GALNT13: variants seen among roughly 807,000 people sequenced by gnomAD.
GALNT13 encodes the protein UDP-GalNAc:polypeptide N-acetylgalactosaminyltransferase 13.
GALNT13 carries 28 observed loss-of-function variants against 64.2 expected under a neutral mutation model. The observed-to-expected ratio is 0.44, with a 90% CI of 0.32 to 0.60. GALNT13 has a LOEUF of 0.60. Ranked by LOEUF, GALNT13 falls within the 20% of genes least tolerant of loss-of-function variation. The pLI is 0.05. For missense variants in GALNT13, 577 were observed against 669.8 expected (o/e 0.86, Z 1.53); for synonymous variants, 214 against 224.6 (o/e 0.95, Z 0.42).
At chr2:154,184,351 T>C (rs1429647000) in intron 4 of GALNT13, among the ~76,000 whole-genome samples, 2 of 152,200 alleles carry the variant, frequency 1.3e-5, no homozygotes, top group Admixed American at 1.3e-4. Context: ...TCAGTGACTC[T>C]CTGTGTTTTG....
chr2:153,226,511 C>T, the GALNT13 span, among the ~76,000 whole-genome samples: 1 of 152,146 alleles, frequency 6.6e-6, no homozygotes, highest in Non-Finnish European at 1.5e-5. Context: ...AGTATGCCTT[C>T]TTGATATAAT....
intron 3 of GALNT13, among the ~76,000 whole-genome samples, chr2:154,105,639 A>T (rs1160371409): frequency 6.6e-6 from 1 of 152,162 alleles, no homozygotes; most frequent in Non-Finnish European, 1.5e-5. Flanking sequence ...TTGTTAAGTG[A>T]TGCATGACTG....
chr2:153,392,297 G>A, the GALNT13 span, among the ~76,000 whole-genome samples: 6 of 149,760 alleles, frequency 4.0e-5, no homozygotes, highest in Non-Finnish European at 5.9e-5. Flanking sequence ...TAAATTTACC[G>A]TCTTCAAACA....
chr2:153,875,496 C>T (rs1330975312), intron 1 of GALNT13, among the ~76,000 whole-genome samples: 3 of 152,120 alleles, frequency 2.0e-5, no homozygotes, highest in African/African-American at 7.2e-5. Flanking sequence ...TCAGTTTAAA[C>T]AGTTATGTCA....
At chr2:153,715,622 C>T in the GALNT13 span, among the ~76,000 whole-genome samples, 6 of 152,170 alleles carry the variant, frequency 3.9e-5, no homozygotes, top group Non-Finnish European at 4.4e-5. Context: ...TACTACTTGT[C>T]AACTTTTCAA....
chr2:153,644,716 A>C, the GALNT13 span, among the ~76,000 whole-genome samples: 2 of 151,984 alleles, frequency 1.3e-5, no homozygotes. Context: ...CTTATCGTAA[A>C]TTCCTACTAC....
chr2:153,275,013 C>G, the GALNT13 span, among the ~76,000 whole-genome samples: 1 of 152,046 alleles, frequency 6.6e-6, no homozygotes, highest in Non-Finnish European at 1.5e-5. Flanking sequence ...CAAATAAGTC[C>G]TTTTGTCTTT....
chr2:153,069,112 T>A, the GALNT13 span, among the ~76,000 whole-genome samples: 1 of 152,182 alleles, frequency 6.6e-6, no homozygotes, highest in African/African-American at 2.4e-5. Flanking sequence ...AGGAGACATT[T>A]GGGTGGTGCT....
chr2:153,630,809 T>TTA, the GALNT13 span, among the ~76,000 whole-genome samples: 90 of 14,038 alleles, frequency 6.4e-3, 1 homozygote, highest in Non-Finnish European at 8.7e-3. Flanking sequence ...ATATATATAT[T>TTA]TTTTTTTTTT....
chr2:153,642,243 G>A, the GALNT13 span, among the ~76,000 whole-genome samples: 2 of 151,754 alleles, frequency 1.3e-5, no homozygotes, highest in African/African-American at 4.8e-5. Context: ...TTCTTAATAA[G>A]TATTTAACGC....
chr2:153,224,366 A>C, the GALNT13 span, among the ~76,000 whole-genome samples: 8 of 152,130 alleles, frequency 5.3e-5, no homozygotes, highest in Non-Finnish European at 1.0e-4. Context: ...GGGCTGAAAA[A>C]CTACCTATCA....
At chr2:153,270,392 T>C in the GALNT13 span, among the ~76,000 whole-genome samples, 2,195 of 152,308 alleles carry the variant, frequency 0.014, 51 homozygotes, top group African/African-American at 0.05. Context: ...GTCTTCGATG[T>C]CTGTTAGAGT....
the GALNT13 span, among the ~76,000 whole-genome samples, chr2:153,292,173 G>A: frequency 6.6e-6 from 1 of 152,004 alleles, no homozygotes; most frequent in African/African-American, 2.4e-5. Context: ...ATCACGGTGG[G>A]CCAAAGGATG....
chr2:153,246,127 C>T, the GALNT13 span, among the ~76,000 whole-genome samples: 2 of 151,868 alleles, frequency 1.3e-5, no homozygotes, highest in African/African-American at 2.4e-5. Context: ...TGAACAAAGC[C>T]TCCAAGAAAT....
intron 3 of GALNT13, among the ~76,000 whole-genome samples, chr2:154,016,091 A>T (rs34668135): frequency 0.25 from 38,570 of 151,964 alleles, 6,794 homozygotes; most frequent in East Asian, 0.82. Context: ...CAAATATCTG[A>T]CAGACTAGCA....
At chr2:153,803,883 CTG>C in the GALNT13 span, among the ~76,000 whole-genome samples, 838 of 152,130 alleles carry the variant, frequency 5.5e-3, 11 homozygotes, top group African/African-American at 0.019. Flanking sequence ...GCCTTTATAA[CTG>C]TGAGAAATAA....
intron 1 of GALNT13, among the ~76,000 whole-genome samples, chr2:153,890,808 C>T (rs1033098319): frequency 1.3e-5 from 2 of 151,970 alleles, no homozygotes; most frequent in Admixed American, 6.6e-5. Context: ...CTGACCTTGC[C>T]GTTTAGAGCT....
intron 3 of GALNT13, among the ~76,000 whole-genome samples, chr2:154,087,872 G>T (rs1399007980): frequency 6.6e-6 from 1 of 151,978 alleles, no homozygotes; most frequent in East Asian, 1.9e-4. Context: ...AAGTTATAAG[G>T]TTTAACACAA....
At chr2:153,664,057 C>T in the GALNT13 span, among the ~76,000 whole-genome samples, 703 of 152,166 alleles carry the variant, frequency 4.6e-3, 7 homozygotes, top group African/African-American at 0.014. Flanking sequence ...TTCCATGTCC[C>T]GCTGGGCACG....
Sources: gnomAD v4.1 joint callset for allele counts (sites outside exome capture counted in the v4.1 genomes callset) on GRCh38, gnomAD v4.1.1 for gene constraint, MANE v1.5 for transcripts, NCBI Gene and HGNC (gene_info 2026-07-23, HGNC 2026-07-21) for gene names.